Variants in PCDH15 observed in about 807,000 individuals in gnomAD.
PCDH15 encodes the protein protocadherin-15.
In PCDH15, 129 loss-of-function variants were observed where a neutral mutation model predicts 178.5. The observed-to-expected ratio is 0.72, with a 90% CI of 0.63 to 0.84. The LOEUF is 0.84. PCDH15 is among the 40% of genes least tolerant of loss of function. The pLI, the probability that PCDH15 is intolerant of heterozygous loss-of-function variation, is 0.00. For missense variants in PCDH15, 2,230 were observed against 2,099.9 expected, an observed-to-expected ratio of 1.06 and a Z score of -1.21; for synonymous variants, 800 against 732.0, an observed-to-expected ratio of 1.09 and a Z score of -1.50.
chr10:54,948,080 TACTA>T (rs1281236412), intron 2 of PCDH15, among the ~76,000 whole-genome samples: 3 of 151,974 alleles, frequency 2.0e-5, no homozygotes, highest in Non-Finnish European at 4.4e-5. Flanking sequence ...CAGGAATTCT[TACTA>T]ACTCTTTGGT....
At chr10:55,379,382 G>GA (rs1425830407) in intron 2 of PCDH15, among the ~76,000 whole-genome samples, 3 of 151,548 alleles carry the variant, frequency 2.0e-5, no homozygotes, top group African/African-American at 7.3e-5. Context: ...AGAAAAAGTG[G>GA]AAAAAAAGCT....
intron 1 of PCDH15, among the ~76,000 whole-genome samples, chr10:54,780,250 G>T (rs1045652025): frequency 1.2e-4 from 19 of 152,272 alleles, no homozygotes; most frequent in African/African-American, 4.6e-4. Context: ...AAGAGAAAGA[G>T]AAATGTGAGT....
At chr10:54,930,169 G>C (rs754683033) in intron 2 of PCDH15, among the ~76,000 whole-genome samples, 1 of 152,096 alleles carries the variant, frequency 6.6e-6, no homozygotes, top group Non-Finnish European at 1.5e-5. Context: ...AGCACACAAC[G>C]TGGAGCCAAC....
At chr10:54,400,056 C>A (rs1589220634) in intron 3 of PCDH15, among the ~76,000 whole-genome samples, 1 of 151,996 alleles carries the variant, frequency 6.6e-6, no homozygotes, top group Non-Finnish European at 1.5e-5. Context: ...GTTGTTGACA[C>A]CCAGGTTCTA....
chr10:53,986,737 C>T (rs1022736602), intron 21 of PCDH15, among the ~76,000 whole-genome samples: 3 of 152,154 alleles, frequency 2.0e-5, no homozygotes, highest in African/African-American at 4.8e-5. Context: ...GGACCAATAC[C>T]GCATGATTGC....
chr10:53,958,999 A>AAG (rs1266507252), intron 23 of PCDH15, among the ~76,000 whole-genome samples: 1 of 149,748 alleles, frequency 6.7e-6, no homozygotes, highest in African/African-American at 2.4e-5. Flanking sequence ...AAAAAAAAAA[A>AAG]AAAAAGAACA....
At chr10:55,608,925 G>T (rs536462743) in intron 2 of PCDH15, among the ~76,000 whole-genome samples, 1 of 151,748 alleles carries the variant, frequency 6.6e-6, no homozygotes, top group African/African-American at 2.4e-5. Flanking sequence ...TAAAACAAAT[G>T]TAAGTTTCAA....
At chr10:54,964,267 G>A (rs1039852961) in intron 2 of PCDH15, among the ~76,000 whole-genome samples, 2 of 152,086 alleles carry the variant, frequency 1.3e-5, no homozygotes, top group African/African-American at 4.8e-5. Flanking sequence ...TAGTTCGGTG[G>A]GGCAATTGGG....
intron 2 of PCDH15, among the ~76,000 whole-genome samples, chr10:54,613,855 T>G (rs749749395): frequency 1.3e-5 from 2 of 151,716 alleles, no homozygotes; most frequent in African/African-American, 2.4e-5. Flanking sequence ...TCCAAATTTG[T>G]TAGCTCCTCA....
chr10:53,970,156 T>C (rs573798988), intron 21 of PCDH15, among the ~76,000 whole-genome samples: 1 of 151,618 alleles, frequency 6.6e-6, no homozygotes, highest in South Asian at 2.1e-4. Context: ...AATAAAGGGA[T>C]GAAGATCTAC....
intron 2 of PCDH15, among the ~76,000 whole-genome samples, chr10:55,150,389 C>A (rs929851450): frequency 1.9e-4 from 29 of 152,040 alleles, no homozygotes; most frequent in African/African-American, 6.8e-4. Context: ...TGCTTTTTGG[C>A]ACCAGCAAAG....
intron 23 of PCDH15, among the ~76,000 whole-genome samples, chr10:53,956,020 T>C (rs552841087): frequency 6.6e-6 from 1 of 152,288 alleles, no homozygotes; most frequent in South Asian, 2.1e-4. Flanking sequence ...AAAAATATTC[T>C]ACCATGAATA....
chr10:54,303,353 C>T (rs906356219), intron 8 of PCDH15, among the ~76,000 whole-genome samples: 2 of 151,900 alleles, frequency 1.3e-5, no homozygotes, highest in Non-Finnish European at 2.9e-5. Flanking sequence ...CCCCAATTAT[C>T]ACAATTGTTT....
intron 2 of PCDH15, among the ~76,000 whole-genome samples, chr10:55,353,486 A>AAATTTTACAGAAATTTTACAG (rs1407363937): frequency 1.3e-5 from 2 of 152,060 alleles, no homozygotes; most frequent in African/African-American, 4.8e-5. Flanking sequence ...AATTTGAGAG[A>AAATTTTACAGAAATTTTACAG]AATTTTACAG....
At chr10:55,035,606 C>T (rs980323742) in intron 2 of PCDH15, among the ~76,000 whole-genome samples, 2 of 152,132 alleles carry the variant, frequency 1.3e-5, no homozygotes, top group African/African-American at 4.8e-5. Flanking sequence ...GCAAGAGCAA[C>T]ATTGCATTTA....
chr10:53,898,572 C>T (rs1273343101), intron 26 of PCDH15, among the ~76,000 whole-genome samples: 1 of 152,130 alleles, frequency 6.6e-6, no homozygotes, highest in African/African-American at 2.4e-5. Flanking sequence ...TCTCAGATAA[C>T]TTTTTGTTCT....
At chr10:54,391,861 G>C (rs1565158978) in intron 3 of PCDH15, among the ~76,000 whole-genome samples, 1 of 152,124 alleles carries the variant, frequency 6.6e-6, no homozygotes, top group African/African-American at 2.4e-5. Flanking sequence ...CCTCCTCAAG[G>C]CATTGTCTTC....
chr10:54,016,362 A>T (rs368995119), intron 20 of PCDH15, among the ~76,000 whole-genome samples: 3 of 152,168 alleles, frequency 2.0e-5, no homozygotes, highest in African/African-American at 7.2e-5. Flanking sequence ...TGACCCAGCA[A>T]TCCCATTTTT....
At chr10:54,852,212 G>T (rs1204572918) in intron 3 of PCDH15, among the ~76,000 whole-genome samples, 2 of 151,844 alleles carry the variant, frequency 1.3e-5, no homozygotes, top group East Asian at 1.9e-4. Flanking sequence ...GAATGAAAAA[G>T]CATAATATGT....
Sources: gnomAD v4.1 joint callset for allele counts (sites outside exome capture counted in the v4.1 genomes callset) on GRCh38, gnomAD v4.1.1 for gene constraint, MANE v1.5 for transcripts, NCBI Gene and HGNC (gene_info 2026-07-23, HGNC 2026-07-21) for gene names.